The following LRRFIP1 variants were observed in gnomAD, a reference collection of about 807,000 sequenced individuals.
The protein encoded by LRRFIP1 is leucine-rich repeat flightless-interacting protein 1.
In LRRFIP1, 62 loss-of-function variants were observed where a neutral mutation model predicts 104.4. That is an observed-to-expected ratio of 0.59 (90% confidence interval 0.48 to 0.73). The LOEUF (loss-of-function observed/expected upper bound fraction) is 0.73. Among genes scored for constraint, LRRFIP1 ranks in the 30% least tolerant of loss-of-function variants. The pLI is 0.00. For missense variants in LRRFIP1, 796 were observed against 824.5 expected (o/e 0.97, Z 0.42); for synonymous variants, 300 against 299.0 (o/e 1.00, Z -0.03).
chr2:237,730,945 CAAATAGAACAAAT>C (rs2094977129), intron 8 of LRRFIP1, among the ~76,000 whole-genome samples: 1 of 145,762 alleles, frequency 6.9e-6, no homozygotes, highest in African/African-American at 2.6e-5. Flanking sequence ...AACAAACAAA[CAAATAGAACAAAT>C]GAAAAGAATA....
intron 1 of LRRFIP1, among the ~76,000 whole-genome samples, chr2:237,697,344 A>G (rs1056876197): frequency 1.3e-5 from 2 of 152,202 alleles, no homozygotes; most frequent in Non-Finnish European, 2.9e-5. Context: ...ACTTTTCTAC[A>G]TAAGGAAAAT....
Position 237,753,294 on chromosome 2 carries a change from A to T in LRRFIP1, c.868-15A>T, listed in dbSNP as rs771119812. The T allele has an allele frequency of 1.3e-6, 2 of 1,553,526 alleles. No individual in the cohort carries two copies. Among genetic ancestry groups the T allele is most frequent in the South Asian group, 2.5e-5 (2 of 80,536 alleles). ...TTTTTATTGCAATTTCAAAAATATG[A>T]CCTGCTTTCCACAGGACTCTCTAGC... On this transcript the variant is annotated splice_polypyrimidine_tract_variant and intron_variant, in intron 14 of 23. Transcript: ENST00000308482.
chr2:237,776,025 C>T (rs1265951884), intron 23 of LRRFIP1, among the ~76,000 whole-genome samples: 3 of 151,778 alleles, frequency 2.0e-5, no homozygotes, highest in South Asian at 2.1e-4. Context: ...AGTGCAATGG[C>T]GCCATCTCGG....
At chr2:237,684,336 TG>T (rs1433052724) in intron 1 of LRRFIP1, 2 of 151,598 alleles carry the variant, frequency 1.3e-5, no homozygotes, top group African/African-American at 4.8e-5. Flanking sequence ...AGTAGTTGGG[TG>T]TGGTGGCACA....
chr2:237,628,245 G>A (rs1195927875), intron 1 of LRRFIP1, among the ~76,000 whole-genome samples: 13 of 152,238 alleles, frequency 8.5e-5, no homozygotes, highest in African/African-American at 3.1e-4. Context: ...TCAAGGTGCA[G>A]CTCAGAGATG....
intron 2 of LRRFIP1, 87 bp from the exon 3 acceptor site, chr2:237,714,172 C>G: frequency 3.4e-6 from 3 of 870,420 alleles, no homozygotes; most frequent in South Asian, 3.2e-5. Flanking sequence ...ATTCATATGT[C>G]TAGTTACTTA....
chr2:237,643,367 C>A, intron 1 of LRRFIP1, among the ~76,000 whole-genome samples: 1 of 152,240 alleles, frequency 6.6e-6, no homozygotes, highest in East Asian at 1.9e-4. Context: ...CACCCCCGGA[C>A]GATTCTGGCG....
chr2:237,690,580 T>C (rs1465214097), intron 1 of LRRFIP1, among the ~76,000 whole-genome samples: 1 of 151,494 alleles, frequency 6.6e-6, no homozygotes, highest in Non-Finnish European at 1.5e-5. Flanking sequence ...CTACTAAAAA[T>C]ACAAAAATGA....
In LRRFIP1 at chr2:237,749,227, C is replaced by G; in HGVS notation, c.698C>G (p.Ala233Gly). ...TCTCGTAACATGCCGGGCCTGTCTG[C>G]AGCCACGCTGGCCTCTCTGGGTGGG... The part of the protein sequence containing the change: ...KGSRNMPGLS[A>G]ATLASLGGTS... The change falls in exon 13 of 24, where the codon GCA becomes GGA. Residue 233 changes from alanine (A) to glycine (G), a missense_variant. Physicochemically the swap from Ala to Gly is moderately conservative, Grantham distance 60 (BLOSUM62 0). Coordinates refer to ENST00000308482, the MANE Select transcript of LRRFIP1 (RefSeq NM_001137550.2). 1 of 1,613,796 alleles carries G rather than the reference C, an allele frequency of 6.2e-7. No homozygotes were observed. The highest frequency in any genetic ancestry group is 8.5e-7 in the Non-Finnish European group (1 of 1,179,998).
chr2:237,699,569 C>A (rs1409818019), intron 1 of LRRFIP1, among the ~76,000 whole-genome samples: 1 of 152,272 alleles, frequency 6.6e-6, no homozygotes, highest in South Asian at 2.1e-4. Flanking sequence ...TCAGACTGGT[C>A]TTGAACTCCT....
chr2:237,739,347 ACCCTCCCTCCCCCTT>A (rs2095346184), intron 11 of LRRFIP1, 38 bp downstream of exon 11: 5 of 1,510,844 alleles, frequency 3.3e-6, no homozygotes, highest in Non-Finnish European at 3.6e-6. Context: ...ACTCAGTGTC[ACCCTCCCTCCCCCTT>A]CCCTTATCCT....
chr2:237,693,743 C>G (rs1267804307), intron 1 of LRRFIP1, among the ~76,000 whole-genome samples: 1 of 152,174 alleles, frequency 6.6e-6, no homozygotes, highest in African/African-American at 2.4e-5. Context: ...GAGCTGCCTG[C>G]TGGACTTAGA....
chr2:237,712,224 T>C (rs936201938), intron 2 of LRRFIP1, among the ~76,000 whole-genome samples: 1 of 152,190 alleles, frequency 6.6e-6, no homozygotes, highest in Non-Finnish European at 1.5e-5. Context: ...CAAGCCAAGA[T>C]TCAAATCAGA....
intron 16 of LRRFIP1, among the ~76,000 whole-genome samples, chr2:237,756,407 GCTA>G (rs1470426515): frequency 6.6e-6 from 1 of 152,202 alleles, no homozygotes; most frequent in African/African-American, 2.4e-5. Flanking sequence ...CCACCTTCTT[GCTA>G]TATCCTTCCT....
At chr2:237,644,807 G>A (rs2084606047) in intron 1 of LRRFIP1, among the ~76,000 whole-genome samples, 1 of 152,344 alleles carries the variant, frequency 6.6e-6, no homozygotes, top group South Asian at 2.1e-4. Context: ...TTCCCGACCT[G>A]GTGCTTTTGA....
At chr2:237,675,712 A>C (rs2091058422) in intron 1 of LRRFIP1, among the ~76,000 whole-genome samples, 1 of 152,286 alleles carries the variant, frequency 6.6e-6, no homozygotes, top group South Asian at 2.1e-4. Flanking sequence ...ACACTGGAAA[A>C]GAAAAGTAAA....
rs548638444 is a variant in LRRFIP1, at chr2:237,747,253, T to G, written c.634-1111T>G. Among the ~76,000 whole-genome samples the G allele has an allele frequency of 2.0e-5, 3 of 152,270 alleles. No individual in the cohort carries two copies. In the East Asian group the frequency reaches 5.8e-4, roughly 29 times the overall value. ...CTGGCTGACCAGCTATAACTCCTGG[T>G]TATGTTGTTTTAGTGTTGCTCCAGG... On this transcript the variant is annotated intron_variant, in intron 11 of 23. Coordinates refer to ENST00000308482, the MANE Select transcript of LRRFIP1 (RefSeq NM_001137550.2).
chr2:237,764,507 A>G, intron 19 of LRRFIP1: 2 of 1,104,580 alleles, frequency 1.8e-6, no homozygotes, highest in Non-Finnish European at 2.2e-6. Flanking sequence ...ATCTAATTGA[A>G]ATGACCAAAT....
intron 19 of LRRFIP1, chr2:237,763,522 T>A (rs2060071030): frequency 6.2e-7 from 1 of 1,613,032 alleles, no homozygotes; most frequent in Non-Finnish European, 8.5e-7. Context: ...CAGATTTAAG[T>A]GAAATTAAGG....
Sources: allele counts gnomAD v4.1 joint callset (sites outside exome capture counted in the v4.1 genomes callset), GRCh38; gene constraint gnomAD v4.1.1; transcripts MANE v1.5; gene names NCBI Gene and HGNC (gene_info 2026-07-23, HGNC 2026-07-21).